PIR: variants seen among roughly 807,000 people sequenced by gnomAD.
PIR encodes pirin (iron-binding nuclear protein).
Under a neutral mutation model 24.2 loss-of-function variants are expected in PIR, and 22 were observed. That is an observed-to-expected ratio of 0.91 (90% CI 0.65 to 1.30). The LOEUF is 1.30. Ranked by LOEUF, PIR falls within the 50% of genes most tolerant of loss-of-function variation. The pLI is 0.00. For synonymous variants in PIR, 80 were observed against 79.6 expected (o/e 1.00, Z -0.03); for missense variants, 220 against 220.3 (o/e 1.00, Z 0.01).
intron 3 of PIR, among the ~76,000 whole-genome samples, chrX:15,473,335 T>A (rs191878028): frequency 9.0e-6 from 1 of 111,050 alleles, no homozygotes; most frequent in Non-Finnish European, 1.9e-5. Flanking sequence ...AGCCCCCCCA[T>A]AGCAAAGAAT....
At chrX:15,400,932 G>A (rs1164609398) in intron 7 of PIR, among the ~76,000 whole-genome samples, 4 of 108,944 alleles carry the variant, frequency 3.7e-5, no homozygotes, top group Admixed American at 2.0e-4. Context: ...TAGAGATGGG[G>A]TTTCACCATG....
chrX:15,462,103 C>G (rs961675829), intron 3 of PIR, among the ~76,000 whole-genome samples: 3 of 111,582 alleles, frequency 2.7e-5, no homozygotes, highest in Non-Finnish European at 5.6e-5. Flanking sequence ...CTCTAAAAAG[C>G]AGAAGAAAAG....
At chrX:15,423,279 T>C (rs1925197764) in intron 6 of PIR, among the ~76,000 whole-genome samples, 2 of 111,935 alleles carry the variant, frequency 1.8e-5, no homozygotes, top group Admixed American at 1.9e-4. Context: ...AGACAAATGA[T>C]ATTATATCAA....
intron 5 of PIR, among the ~76,000 whole-genome samples, chrX:15,437,206 T>C (rs753759375): frequency 8.9e-6 from 1 of 111,991 alleles, no homozygotes; most frequent in Non-Finnish European, 1.9e-5. Context: ...TTTGCCTAGT[T>C]GGGTTTCAGC....
chrX:15,450,514 A>G (rs1308253354), intron 5 of PIR, among the ~76,000 whole-genome samples: 1 of 110,868 alleles, frequency 9.0e-6, no homozygotes, highest in Non-Finnish European at 1.9e-5. Flanking sequence ...TGTTCTCCTG[A>G]GCTTGAGAAG....
intron 6 of PIR, among the ~76,000 whole-genome samples, chrX:15,424,289 T>C (rs1464109319): frequency 1.8e-5 from 2 of 112,034 alleles, no homozygotes; most frequent in Non-Finnish European, 3.8e-5. Context: ...TTCAGTTAAA[T>C]AAGCCAGGCA....
intron 4 of PIR, 123 bp from the exon 5 acceptor site, chrX:15,456,177 G>A (rs761598738): frequency 3.5e-6 from 2 of 571,376 alleles, no homozygotes; most frequent in Non-Finnish European, 5.8e-6. Context: ...GAGCCCCTGG[G>A]CATCGAGGGG....
chrX:15,448,986 T>G (rs987729419), intron 5 of PIR, among the ~76,000 whole-genome samples: 4 of 112,269 alleles, frequency 3.6e-5, no homozygotes, highest in African/African-American at 1.3e-4. Flanking sequence ...GGGAACTGCA[T>G]GATGTACACA....
chrX:15,480,142 G>A (rs777101919), intron 2 of PIR, among the ~76,000 whole-genome samples: 1 of 98,157 alleles, frequency 1.0e-5, no homozygotes, highest in Admixed American at 1.2e-4. Context: ...GAGATCTGAT[G>A]GTTTTAAAAA....
chrX:15,471,616 G>A (rs1021377790), intron 3 of PIR, among the ~76,000 whole-genome samples: 1 of 111,010 alleles, frequency 9.0e-6, no homozygotes, highest in African/African-American at 3.3e-5. Flanking sequence ...CCCATACCGC[G>A]ACTTTCACCT....
At chrX:15,467,893 C>G (rs140064337) in intron 3 of PIR, among the ~76,000 whole-genome samples, 1 of 111,594 alleles carries the variant, frequency 9.0e-6, no homozygotes, top group Non-Finnish European at 1.9e-5. Context: ...ACCAGGCATG[C>G]CCCTTCTCCT....
chrX:15,395,723 G>A (rs894983809), intron 8 of PIR, among the ~76,000 whole-genome samples: 1 of 112,524 alleles, frequency 8.9e-6, no homozygotes, highest in African/African-American at 3.2e-5. Flanking sequence ...CTTTTCTGCT[G>A]TAATCTAAAG....
intron 5 of PIR, among the ~76,000 whole-genome samples, chrX:15,449,350 A>G (rs917959996): frequency 8.9e-6 from 1 of 112,090 alleles, no homozygotes; most frequent in Admixed American, 9.5e-5. Context: ...TTCTCCCCCT[A>G]TCTATCCATT....
chrX:15,417,683 G>A (rs1393756684), intron 6 of PIR, among the ~76,000 whole-genome samples: 2 of 111,468 alleles, frequency 1.8e-5, no homozygotes, highest in African/African-American at 3.3e-5. Context: ...GGCTGTAGGG[G>A]GACATTTGTT....
Position 15,456,007 on chromosome X carries a change from T to C in PIR, c.321A>G (p.Ser107=), listed in dbSNP as rs752404535. Residue 107 remains serine, a synonymous_variant, in exon 5 of 10, where the codon TCA becomes TCG. Transcript: ENST00000380420. ...RGILHAEMPC[S]EEPAHGLQLW... is the part of the protein sequence containing the mutation. ...GTTGTAGGCCATGGGCTGGCTCCTC[T>C]GAGCAAGGCATCTCAGCGTGCAGAA... 68 of 1,209,981 alleles carry C rather than the reference T, an allele frequency of 5.6e-5. No individual in the cohort carries two copies. The highest frequency in any genetic ancestry group is 5.6e-5 in the Non-Finnish European group (50 of 895,052).
At chrX:15,446,280 G>A (rs1926101679) in intron 5 of PIR, among the ~76,000 whole-genome samples, 1 of 111,323 alleles carries the variant, frequency 9.0e-6, no homozygotes, top group Non-Finnish European at 1.9e-5. Context: ...TGTTTTGAAG[G>A]CCTTCTTAAA....
intron 5 of PIR, among the ~76,000 whole-genome samples, chrX:15,448,610 TG>T (rs1926183467): frequency 8.9e-6 from 1 of 112,132 alleles, no homozygotes; most frequent in Non-Finnish European, 1.9e-5. Flanking sequence ...TAGACAAACT[TG>T]GGTTTTTCTC....
Position 15,482,827 on chromosome X carries a change from C to CT in PIR, c.97-3007dup, listed in dbSNP as rs575792454. Among the ~76,000 whole-genome samples, 103 of 111,623 alleles carry CT rather than the reference C, an allele frequency of 9.2e-4. No individual in the cohort carries two copies. The South Asian group carries it at 0.013, about 14-fold the overall frequency. ...GAGAGTTTGTGCATTATTAGAATTA[C>CT]TTACACCTTAAATATTTTGTAAAAT... On this transcript the variant is annotated intron_variant, in intron 2 of 9. Transcript: ENST00000380420.
intron 7 of PIR, among the ~76,000 whole-genome samples, chrX:15,405,057 C>T (rs1924512428): frequency 9.0e-6 from 1 of 111,541 alleles, no homozygotes; most frequent in Admixed American, 9.5e-5. Context: ...ATGTGTGGGT[C>T]ATTCTTACCC....
Sources: gnomAD v4.1 joint callset for allele counts (sites outside exome capture counted in the v4.1 genomes callset) on GRCh38, gnomAD v4.1.1 for gene constraint, MANE v1.5 for transcripts, NCBI Gene and HGNC (gene_info 2026-07-23, HGNC 2026-07-21) for gene names.